PSD3: variants seen among roughly 807,000 people sequenced by gnomAD.
The protein encoded by PSD3 is PH and SEC7 domain-containing protein 3.
In PSD3, 49 loss-of-function variants were observed where a neutral mutation model predicts 105.5. That is an observed-to-expected ratio of 0.46 (90% CI 0.37 to 0.59). The LOEUF (loss-of-function observed/expected upper bound fraction) is 0.59. PSD3 is among the 20% of genes least tolerant of loss of function. PSD3 has a pLI of 0.00. For synonymous variants in PSD3, 557 were observed against 457.8 expected (o/e 1.22, Z -2.77); for missense variants, 1,561 against 1,263.8 (o/e 1.24, Z -3.57).
chr8:18,996,804 A>G (rs766399704), intron 1 of PSD3, among the ~76,000 whole-genome samples: 1 of 151,792 alleles, frequency 6.6e-6, no homozygotes, highest in Non-Finnish European at 1.5e-5. Flanking sequence ...TTACATACCC[A>G]CTGATCAACA....
At chr8:18,952,660 G>A (rs796636173) in intron 1 of PSD3, among the ~76,000 whole-genome samples, 3 of 152,248 alleles carry the variant, frequency 2.0e-5, no homozygotes, top group African/African-American at 7.2e-5. Context: ...ATTATTTAGA[G>A]CACAATAATC....
At chr8:18,828,082 C>CA (rs955689043) in intron 4 of PSD3, among the ~76,000 whole-genome samples, 9 of 87,284 alleles carry the variant, frequency 1.0e-4, no homozygotes, top group South Asian at 3.3e-4. Context: ...TTTTTTTTTA[C>CA]AAAAAAAATG....
intron 10 of PSD3, among the ~76,000 whole-genome samples, chr8:18,650,676 C>G (rs574516640): frequency 2.0e-5 from 3 of 152,176 alleles, no homozygotes; most frequent in African/African-American, 7.2e-5. Context: ...GGGCCAGGCA[C>G]AGGAGAAGCT....
intron 9 of PSD3, among the ~76,000 whole-genome samples, chr8:18,744,103 C>T (rs1337163133): frequency 6.6e-6 from 1 of 152,030 alleles, no homozygotes; most frequent in Non-Finnish European, 1.5e-5. Context: ...TCATTCCATA[C>T]TTAATTTTGT....
chr8:18,819,575 A>AT (rs746931460), intron 4 of PSD3, among the ~76,000 whole-genome samples: 1,674 of 111,206 alleles, frequency 0.015, 84 homozygotes, highest in African/African-American at 0.037. Flanking sequence ...ATTAGAATGG[A>AT]TTTTTTTTTT....
At chr8:18,547,441 A>T (rs976183994) in intron 15 of PSD3, among the ~76,000 whole-genome samples, 1 of 152,096 alleles carries the variant, frequency 6.6e-6, no homozygotes, top group Non-Finnish European at 1.5e-5. Context: ...TCTTTTGCTT[A>T]CCTTTTCCCC....
intron 14 of PSD3, among the ~76,000 whole-genome samples, chr8:18,559,000 C>T (rs904112761): frequency 6.6e-6 from 1 of 152,122 alleles, no homozygotes; most frequent in African/African-American, 2.4e-5. Flanking sequence ...CTGCAGGACA[C>T]ATTACAATTT....
chr8:18,555,346 G>A (rs895951024), intron 15 of PSD3, among the ~76,000 whole-genome samples: 1 of 151,810 alleles, frequency 6.6e-6, no homozygotes, highest in Non-Finnish European at 1.5e-5. Flanking sequence ...AAACAAAGGA[G>A]AGGAACAATG....
chr8:19,056,312 C>T (rs928523404), intron 1 of PSD3, among the ~76,000 whole-genome samples: 5 of 152,252 alleles, frequency 3.3e-5, no homozygotes, highest in East Asian at 3.9e-4. Flanking sequence ...CATAATTGAT[C>T]GAGCCAGTCA....
chr8:18,728,828 A>G (rs1050597477), intron 9 of PSD3, among the ~76,000 whole-genome samples: 2 of 151,968 alleles, frequency 1.3e-5, no homozygotes, highest in African/African-American at 2.4e-5. Context: ...AAAACTTTTG[A>G]AAAAAAAGCT....
intron 9 of PSD3, among the ~76,000 whole-genome samples, chr8:18,658,607 CA>C (rs56730639): frequency 0.33 from 49,573 of 150,700 alleles, 8,229 homozygotes; most frequent in Middle Eastern, 0.37. Context: ...ACTGCAGCCT[CA>C]AAATCCTGGG....
chr8:18,565,508 A>T (rs369118802), intron 14 of PSD3, among the ~76,000 whole-genome samples: 1 of 152,254 alleles, frequency 6.6e-6, no homozygotes, highest in Admixed American at 6.5e-5. Context: ...CATAAAAGAC[A>T]AGAATAAATT....
At chr8:19,013,524 G>T in intron 1 of PSD3, 39 bp downstream of exon 1, 1 of 1,577,324 alleles carries the variant, frequency 6.3e-7, no homozygotes, top group Non-Finnish European at 8.5e-7. Context: ...GCGGCGCCGC[G>T]TGCGCACCCC....
At chr8:18,637,122 A>G (rs1245929108) in intron 10 of PSD3, among the ~76,000 whole-genome samples, 2 of 152,208 alleles carry the variant, frequency 1.3e-5, no homozygotes, top group East Asian at 1.9e-4. Flanking sequence ...AAAGAGTTCC[A>G]AAATTGCTAG....
intron 2 of PSD3, among the ~76,000 whole-genome samples, chr8:18,921,001 T>C (rs1018161757): frequency 6.6e-6 from 1 of 152,240 alleles, no homozygotes; most frequent in Non-Finnish European, 1.5e-5. Context: ...AGCAAATATT[T>C]ACATAAATTC....
intron 4 of PSD3, chr8:18,808,755 C>A (rs1260243033): frequency 3.7e-6 from 6 of 1,613,976 alleles, no homozygotes; most frequent in Non-Finnish European, 5.1e-6. Context: ...ATAAACTTAC[C>A]AGCAACCATA....
Position 18,530,401 on chromosome 8 carries a change from C to T in PSD3, c.*5342G>A, listed in dbSNP as rs1799586215. The T allele has an allele frequency of 6.6e-6, 1 of 152,410 alleles. No individual in the cohort carries two copies. Among genetic ancestry groups the T allele is most frequent in the Non-Finnish European group, 1.5e-5 (1 of 68,038 alleles). 9.4% of individuals were successfully genotyped at this position (152,410 alleles called of 1,614,324 possible). On this transcript the variant is annotated 3_prime_UTR_variant, in exon 16 of 16. Coordinates refer to ENST00000327040, the MANE Select transcript of PSD3 (RefSeq NM_015310.4). ...GCAAACCTAGGATACAGTACCCAAT[C>T]CTGGGATGCCCTGATATACTTTAGT...
At chr8:18,661,011 C>G (rs1809306736) in intron 9 of PSD3, among the ~76,000 whole-genome samples, 1 of 152,284 alleles carries the variant, frequency 6.6e-6, no homozygotes, top group East Asian at 1.9e-4. Flanking sequence ...CAATTTTATT[C>G]AAGGCTTTAG....
intron 9 of PSD3, among the ~76,000 whole-genome samples, chr8:18,671,155 T>G (rs1018358711): frequency 1.3e-5 from 2 of 151,986 alleles, no homozygotes; most frequent in Non-Finnish European, 2.9e-5. Context: ...AACAATAAAC[T>G]AGAAAGCTGC....
Sources: allele counts gnomAD v4.1 joint callset (sites outside exome capture counted in the v4.1 genomes callset), GRCh38; gene constraint gnomAD v4.1.1; transcripts MANE v1.5; gene names NCBI Gene and HGNC (gene_info 2026-07-23, HGNC 2026-07-21).